Variants in GSE1 observed in about 807,000 individuals in gnomAD.
The protein encoded by GSE1 is Gse1 coiled-coil protein, also known as genetic suppressor element 1.
A neutral mutation model predicts 112.6 loss-of-function variants in GSE1; 32 were observed. The ratio of observed to expected loss-of-function variants is 0.28; its 90% CI spans 0.21 to 0.38. The LOEUF is 0.38. Ranked by LOEUF, GSE1 falls within the 10% of genes least tolerant of loss-of-function variation. The pLI is 1.00. For missense variants in GSE1, 2,348 were observed against 1,699.2 expected (o/e 1.38, Z -6.71); for synonymous variants, 1,115 against 735.6 (o/e 1.52, Z -8.35).
At chr16:85,389,636 C>G (rs1224549820) in intron 2 of GSE1, among the ~76,000 whole-genome samples, 1 of 152,138 alleles carries the variant, frequency 6.6e-6, no homozygotes, top group Non-Finnish European at 1.5e-5. Context: ...TGTCACTGTC[C>G]TAGAAAGCCT....
chr16:85,361,063 T>C (rs529090803), intron 2 of GSE1, among the ~76,000 whole-genome samples: 2 of 151,256 alleles, frequency 1.3e-5, no homozygotes, highest in Admixed American at 1.3e-4. Context: ...CACATATGGA[T>C]ACATACACAG....
intron 2 of GSE1, among the ~76,000 whole-genome samples, chr16:85,479,213 T>TTTA (rs1555518700): frequency 6.9e-6 from 1 of 144,156 alleles, no homozygotes; most frequent in Non-Finnish European, 1.5e-5. Context: ...TTTTTTTTTT[T>TTTA]AGTAGAGACG....
chr16:85,193,129 T>C (rs1050408286), intron 1 of GSE1, among the ~76,000 whole-genome samples: 1 of 152,178 alleles, frequency 6.6e-6, no homozygotes, highest in East Asian at 1.9e-4. Context: ...GGTTTCCTTT[T>C]CTGGACTATT....
chr16:85,568,419 G>A (rs1416914578), intron 1 of GSE1, among the ~76,000 whole-genome samples: 1 of 152,228 alleles, frequency 6.6e-6, no homozygotes, highest in Non-Finnish European at 1.5e-5. Context: ...TTGTCACAGA[G>A]GCAAGATGGG....
chr16:85,192,342 C>A (rs1347339234), intron 1 of GSE1, among the ~76,000 whole-genome samples: 1 of 152,226 alleles, frequency 6.6e-6, no homozygotes. Context: ...ATTTCCCCAT[C>A]TGTAAAGGTT....
At chr16:85,218,752 G>A (rs996089060) in intron 1 of GSE1, among the ~76,000 whole-genome samples, 61 of 152,328 alleles carry the variant, frequency 4.0e-4, no homozygotes, top group Non-Finnish European at 6.6e-4. Context: ...CTGGTCTTGC[G>A]TCTACTTCAT....
chr16:85,202,312 ATCC>A (rs1197250185), intron 1 of GSE1, among the ~76,000 whole-genome samples: 1 of 152,194 alleles, frequency 6.6e-6, no homozygotes, highest in African/African-American at 2.4e-5. Flanking sequence ...ACTTCCCTAC[ATCC>A]TCATTCTTCC....
At chr16:85,664,320 C>T (rs1027256742) in intron 11 of GSE1, among the ~76,000 whole-genome samples, 11 of 152,216 alleles carry the variant, frequency 7.2e-5, no homozygotes, top group Non-Finnish European at 1.6e-4. Context: ...CGAAGGAAAG[C>T]AGAGTTACTT....
At chr16:85,247,464 G>A (rs1185774942) in intron 1 of GSE1, among the ~76,000 whole-genome samples, 4 of 152,144 alleles carry the variant, frequency 2.6e-5, no homozygotes, top group Non-Finnish European at 4.4e-5. Flanking sequence ...TGCAGGGACC[G>A]GGCCTGAGCC....
At chr16:85,670,137 T>C (rs2053210482) in intron 14 of GSE1, among the ~76,000 whole-genome samples, 1 of 152,256 alleles carries the variant, frequency 6.6e-6, no homozygotes. Flanking sequence ...TAGTTTCAGG[T>C]ATCACATAGA....
chr16:85,666,957 ATCAAG>A (rs2052912933), intron 13 of GSE1, among the ~76,000 whole-genome samples: 1 of 152,374 alleles, frequency 6.6e-6, no homozygotes, highest in South Asian at 2.1e-4. Flanking sequence ...ATCCATGCAA[ATCAAG>A]TCAAGTGTAG....
intron 1 of GSE1, among the ~76,000 whole-genome samples, chr16:85,201,842 C>T (rs1023611077): frequency 6.6e-6 from 1 of 152,208 alleles, no homozygotes; most frequent in Admixed American, 6.5e-5. Context: ...AATGATTTGC[C>T]ACAAACTTAG....
At chr16:85,288,201 T>C (rs1299514375) in intron 1 of GSE1, among the ~76,000 whole-genome samples, 2 of 151,950 alleles carry the variant, frequency 1.3e-5, no homozygotes, top group African/African-American at 4.8e-5. Context: ...GATCACGCCA[T>C]TGCACTCCAG....
At chr16:85,508,455 G>A (rs1174650145) in intron 2 of GSE1, among the ~76,000 whole-genome samples, 1 of 152,156 alleles carries the variant, frequency 6.6e-6, no homozygotes. Flanking sequence ...CAGGATGGAG[G>A]AGAAGCCAGC....
At chr16:85,330,739 C>A (rs1487226813) in intron 1 of GSE1, among the ~76,000 whole-genome samples, 1 of 152,254 alleles carries the variant, frequency 6.6e-6, no homozygotes, top group African/African-American at 2.4e-5. Context: ...GAGTCTGCCC[C>A]TCTCTGAGTT....
intron 2 of GSE1, among the ~76,000 whole-genome samples, chr16:85,509,691 C>G (rs1018119711): frequency 6.6e-6 from 1 of 152,352 alleles, no homozygotes; most frequent in East Asian, 1.9e-4. Flanking sequence ...ATGGCCATGC[C>G]GGGTGGGAGA....
rs565240664 is a variant in GSE1 at position 85,572,101 on chromosome 16, C to A, written c.37+15738C>A. ...ACCCCCCCACACCCCACATACCACA[C>A]ACACACCACACACAACGCACACACA... On this transcript the variant is annotated intron_variant, in intron 1 of 2. Transcript: ENST00000635906. 1.6e-3 allele frequency among the ~76,000 whole-genome samples: 245 copies of A among 151,334 alleles called. 1 individual carries two copies. Among genetic ancestry groups the A allele is most frequent in the African/African-American group, 4.9e-3 (202 of 41,178 alleles).
chr16:85,623,063 T>C (rs2048839865), intron 1 of GSE1, among the ~76,000 whole-genome samples: 2 of 152,128 alleles, frequency 1.3e-5, no homozygotes, highest in Admixed American at 6.5e-5. Context: ...TTTTATGGCT[T>C]AGACTTTTCG....
At chr16:85,383,734 C>T (rs570886525) in intron 2 of GSE1, among the ~76,000 whole-genome samples, 29 of 152,212 alleles carry the variant, frequency 1.9e-4, no homozygotes, top group South Asian at 4.1e-4. Context: ...GTGGCTGGCT[C>T]GTGAGGGTGG....
Sources: allele counts gnomAD v4.1 joint callset (sites outside exome capture counted in the v4.1 genomes callset), GRCh38; gene constraint gnomAD v4.1.1; transcripts MANE v1.5; gene names NCBI Gene and HGNC (gene_info 2026-07-23, HGNC 2026-07-21).